The following SUFU variants were observed in gnomAD, a reference collection of about 807,000 sequenced individuals.
SUFU encodes the protein SUFU negative regulator of hedgehog signaling.
SUFU carries 7 observed loss-of-function variants against 58.9 expected under a neutral mutation model. The observed-to-expected ratio is 0.12, with a 90% confidence interval of 0.07 to 0.22. The LOEUF (loss-of-function observed/expected upper bound fraction) is 0.22. Ranked by LOEUF, SUFU falls within the 10% of genes least tolerant of loss-of-function variation. The pLI is 1.00. For missense variants in SUFU, 451 were observed against 641.3 expected, an observed-to-expected ratio of 0.70 and a Z score of 3.20; for synonymous variants, 232 against 254.8, an observed-to-expected ratio of 0.91 and a Z score of 0.85.
intron 2 of SUFU, among the ~76,000 whole-genome samples, chr10:102,513,152 T>C (rs2062422234): frequency 6.6e-6 from 1 of 152,204 alleles, no homozygotes. Context: ...TGGTTTCTTT[T>C]TGATCCTGTT....
chr10:102,550,021 T>C lies in SUFU; in HGVS notation c.369T>C (p.Arg123=), dbSNP rs2135743218. The C allele has an allele frequency of 1.2e-6, 2 of 1,614,224 alleles. No homozygotes were observed. Among genetic ancestry groups the C allele is most frequent in the East Asian group, 4.5e-5 (2 of 44,884 alleles). The change falls in exon 3 of 12, where the codon CGT becomes CGC. Residue 123 remains arginine (R), a synonymous_variant. Transcript: ENST00000369902. ...PSGFGFELTF[R]LKRETGESAP... is the part of the protein sequence containing the mutation. ...GTTTTGGCTTTGAGTTGACCTTTCG[T>C]CTGAAGAGAGAAACTGGGGAGTCTG...
intron 10 of SUFU, among the ~76,000 whole-genome samples, chr10:102,624,635 C>A (rs1306513704): frequency 1.3e-5 from 2 of 152,174 alleles, no homozygotes; most frequent in African/African-American, 4.8e-5. Context: ...ATCCCCTCCC[C>A]CAACCGAGTC....
In SUFU at chr10:102,630,726, T is replaced by C. The variant is rs1177586826; in HGVS notation, c.*571T>C. 3.8e-6 allele frequency: 1 copy of C among 260,708 alleles called. No individual in the cohort carries two copies. The highest frequency in any genetic ancestry group is 7.5e-6 in the Non-Finnish European group (1 of 133,426). The allele number at this position is 260,708 out of a possible 1,614,324, so 16.1% of individuals were successfully genotyped here. Reference sequence around the variant, plus strand: ...ATGTCCAGAAGCCATGTATATAATGTTTTTTAAACAGAACTTCATTCCCCG... The same window carrying C: ...ATGTCCAGAAGCCATGTATATAATGCTTTTTAAACAGAACTTCATTCCCCG... On this transcript the variant is annotated 3_prime_UTR_variant, in exon 12 of 12. Coordinates refer to ENST00000369902, the MANE Select transcript of SUFU (RefSeq NM_016169.4).
Position 102,625,796 on chromosome 10 carries a change from C to T in SUFU, c.1297-1379C>T, listed in dbSNP as rs189289776. 6.6e-6 allele frequency among the ~76,000 whole-genome samples: 1 copy of T among 152,316 alleles called. No individual in the cohort carries two copies. The highest frequency in any genetic ancestry group is 2.4e-5 in the African/African-American group (1 of 41,566). ...TTCTCACTCCCTCCTCCACCCCGTC[C>T]ACTTCTTGCTTTAGAGACCTCCGTC... On this transcript the variant is annotated intron_variant, in intron 10 of 11. Transcript: ENST00000369902. This position sits in a 1 kb window ranked among gnomAD's most constrained non-coding sequence, Gnocchi z 4.7.
intron 8 of SUFU, among the ~76,000 whole-genome samples, chr10:102,603,320 C>T (rs1218191750): frequency 1.3e-5 from 2 of 152,156 alleles, no homozygotes; most frequent in Non-Finnish European, 2.9e-5. Flanking sequence ...AGCCACCACA[C>T]CTGGCCTGTA....
rs2062775005 is a variant in SUFU, at chr10:102,539,404, A to G, written c.318-10566A>G. 2.0e-5 allele frequency among the ~76,000 whole-genome samples: 3 copies of G among 151,392 alleles called. No individual in the cohort carries two copies. The South Asian group carries it at 6.3e-4, about 32-fold the overall frequency. Reference sequence around the variant, plus strand: ...GGAGGCACTTGATGTTGATTTGTCTAATTACTGTTGATGATGTCTAATTAC... The same window carrying G: ...GGAGGCACTTGATGTTGATTTGTCTGATTACTGTTGATGATGTCTAATTAC... On this transcript the variant is annotated intron_variant, in intron 2 of 11. Transcript: ENST00000369902.
chr10:102,594,914 T>G (rs2063446135), intron 6 of SUFU, among the ~76,000 whole-genome samples: 1 of 152,142 alleles, frequency 6.6e-6, no homozygotes, highest in South Asian at 2.1e-4. Context: ...GAGACAGGGT[T>G]TCACCATGTT....
rs550497299 is a variant in SUFU at position 102,574,410 on chromosome 10, G to A, written c.455-18172G>A. ...GGATATAATAGGATAAAGCAAATAAGTAATTATGTTAGAAAGCAAGATGTT... is the reference window on the plus strand; with the variant it reads ...GGATATAATAGGATAAAGCAAATAAATAATTATGTTAGAAAGCAAGATGTT... On this transcript the variant is annotated intron_variant, in intron 3 of 11. Transcript: ENST00000369902. Among the ~76,000 whole-genome samples the A allele has an allele frequency of 1.4e-4, 22 of 152,306 alleles. No individual in the cohort carries two copies. The South Asian group carries it at 4.6e-3, about 32-fold the overall frequency.
chr10:102,601,458 AG>A (rs1272127076), intron 8 of SUFU, among the ~76,000 whole-genome samples: 1 of 152,206 alleles, frequency 6.6e-6, no homozygotes, highest in Non-Finnish European at 1.5e-5. Context: ...GGGTGAGAAT[AG>A]ATTCGAGGTG....
chr10:102,568,941 T>TACATATATATAC (rs1379151827), intron 3 of SUFU, among the ~76,000 whole-genome samples: 1 of 68,432 alleles, frequency 1.5e-5, no homozygotes, highest in African/African-American at 5.1e-5. Context: ...TATATATATA[T>TACATATATATAC]ATATATATAT....
chr10:102,603,314 A>T (rs1438978206), intron 8 of SUFU, among the ~76,000 whole-genome samples: 1 of 152,120 alleles, frequency 6.6e-6, no homozygotes, highest in Non-Finnish European at 1.5e-5. Flanking sequence ...GGCATGAGCC[A>T]CCACACCTGG....
At chr10:102,622,517 C>T (rs1377137724) in intron 10 of SUFU, among the ~76,000 whole-genome samples, 8 of 152,066 alleles carry the variant, frequency 5.3e-5, no homozygotes, top group East Asian at 1.9e-4. Context: ...CCGAGGCGGG[C>T]GGATCATGAG....
chr10:102,535,054 A>C (rs1239902137), intron 2 of SUFU, among the ~76,000 whole-genome samples: 1 of 152,164 alleles, frequency 6.6e-6, no homozygotes, highest in East Asian at 1.9e-4. Flanking sequence ...TAGCTAGCCC[A>C]GTAAGGTGAG....
At chr10:102,508,996 C>T (rs1179615448) in intron 1 of SUFU, among the ~76,000 whole-genome samples, 173 bp from the exon 2 acceptor site, 1 of 152,196 alleles carries the variant, frequency 6.6e-6, no homozygotes, top group Non-Finnish European at 1.5e-5. Flanking sequence ...AGTTGGGCAG[C>T]CTTAGCTGTC....
At chr10:102,595,338 A>C (rs952545282) in intron 6 of SUFU, among the ~76,000 whole-genome samples, 1 of 152,284 alleles carries the variant, frequency 6.6e-6, no homozygotes, top group African/African-American at 2.4e-5. Context: ...TGCCTTTAAC[A>C]CTGAACATTT....
chr10:102,511,479 TGATGATGGTATCATAAAGAA>T (rs1273231175), intron 2 of SUFU, among the ~76,000 whole-genome samples: 2 of 152,218 alleles, frequency 1.3e-5, no homozygotes, highest in Non-Finnish European at 2.9e-5. Context: ...ATTCTGGAGA[TGATGATGGTATCATAAAGAA>T]GATGATGATA....
chr10:102,564,571 GA>G (rs1362371057), intron 3 of SUFU, among the ~76,000 whole-genome samples: 3 of 152,174 alleles, frequency 2.0e-5, no homozygotes, highest in African/African-American at 7.2e-5. Flanking sequence ...GGGGTCAAGT[GA>G]TCCACCCGCC....
At chr10:102,512,360 C>T (rs1295846733) in intron 2 of SUFU, among the ~76,000 whole-genome samples, 1 of 152,146 alleles carries the variant, frequency 6.6e-6, no homozygotes, top group Non-Finnish European at 1.5e-5. Context: ...GTGCAGCTAG[C>T]CTGTACCTTT....
At chr10:102,523,024 G>A (rs1341111220) in intron 2 of SUFU, among the ~76,000 whole-genome samples, 1 of 152,088 alleles carries the variant, frequency 6.6e-6, no homozygotes, top group Non-Finnish European at 1.5e-5. Context: ...TTGGCAAGCA[G>A]GAGTCCTGAG....
Sources: allele counts gnomAD v4.1 joint callset (sites outside exome capture counted in the v4.1 genomes callset), GRCh38; gene constraint gnomAD v4.1.1; non-coding constraint Gnocchi (gnomAD v3.1); transcripts MANE v1.5; gene names NCBI Gene and HGNC (gene_info 2026-07-23, HGNC 2026-07-21).